Variants in DPP10 observed in about 807,000 individuals in gnomAD.
DPP10 encodes the protein dipeptidyl peptidase like 10.
DPP10 carries 33 observed loss-of-function variants against 120.9 expected under a neutral mutation model. The ratio of observed to expected loss-of-function variants is 0.27; its 90% CI spans 0.21 to 0.37. DPP10 has a LOEUF of 0.37. DPP10 is among the 10% of genes least tolerant of loss of function. The probability of loss-of-function intolerance (pLI) is 1.00; values close to 1 mark genes in which losing one functional copy is unlikely to be tolerated. For synonymous variants in DPP10, 337 were observed against 326.1 expected, an observed-to-expected ratio of 1.03 and a Z score of -0.36; for missense variants, 816 against 942.8, an observed-to-expected ratio of 0.87 and a Z score of 1.76.
At chr2:115,475,123 C>A (rs775729157) in intron 3 of DPP10, among the ~76,000 whole-genome samples, 1 of 152,142 alleles carries the variant, frequency 6.6e-6, no homozygotes, top group Admixed American at 6.6e-5. Context: ...AATGGGAAGG[C>A]CTTGAAGGCA....
intron 1 of DPP10, among the ~76,000 whole-genome samples, chr2:114,813,848 A>G (rs1685389894): frequency 6.6e-6 from 1 of 151,868 alleles, no homozygotes; most frequent in African/African-American, 2.4e-5. Context: ...TTGTAACACT[A>G]GTAAATATTT....
At chr2:115,686,629 G>A (rs551953892) in intron 5 of DPP10, among the ~76,000 whole-genome samples, 1 of 152,054 alleles carries the variant, frequency 6.6e-6, no homozygotes, top group East Asian at 1.9e-4. Context: ...GAGATGATGG[G>A]TACCAGATTG....
intron 1 of DPP10, among the ~76,000 whole-genome samples, chr2:115,048,815 TGAAA>T (rs1337577211): frequency 6.6e-6 from 1 of 152,118 alleles, no homozygotes; most frequent in Non-Finnish European, 1.5e-5. Context: ...CCTCCACTCT[TGAAA>T]GAAATATTTT....
intron 1 of DPP10, among the ~76,000 whole-genome samples, chr2:114,580,565 G>T (rs1289211102): frequency 6.6e-6 from 1 of 152,134 alleles, no homozygotes; most frequent in East Asian, 1.9e-4. Context: ...TCTTAGAGAG[G>T]AAATCTCTGG....
rs114333984 is a variant in DPP10 at position 114,673,717 on chromosome 2, A to G, written c.60+230879A>G. Among the ~76,000 whole-genome samples the G allele has an allele frequency of 7.1e-3, 1,086 of 152,208 alleles. 18 individuals carry two copies. Among genetic ancestry groups the G allele is most frequent in the African/African-American group, 0.024 (1,006 of 41,556 alleles). Reference sequence around the variant, plus strand: ...GTAATCTGCCTGTCTCGGCCTCCCAAAGTGCTGGAATTCATTACCTTTTTC... The same window carrying G: ...GTAATCTGCCTGTCTCGGCCTCCCAGAGTGCTGGAATTCATTACCTTTTTC... On this transcript the variant is annotated intron_variant, in intron 1 of 25. Coordinates refer to ENST00000410059, the MANE Select transcript of DPP10 (RefSeq NM_020868.6).
intron 1 of DPP10, among the ~76,000 whole-genome samples, chr2:114,890,293 G>T (rs763890508): frequency 6.6e-6 from 1 of 152,136 alleles, no homozygotes; most frequent in Non-Finnish European, 1.5e-5. Context: ...TACTGCTCAA[G>T]AAATAGGAGA....
At chr2:114,587,301 CAAAAA>C (rs11364968) in intron 1 of DPP10, among the ~76,000 whole-genome samples, 1 of 103,180 alleles carries the variant, frequency 9.7e-6, no homozygotes. Flanking sequence ...AACTCCATCT[CAAAAA>C]AAAAAAAAAA....
At position 114,627,110 on chromosome 2, in the gene DPP10, G is replaced by A. The variant is rs554866430; in HGVS notation, c.60+184272G>A. 1.2e-4 allele frequency among the ~76,000 whole-genome samples: 18 copies of A among 152,110 alleles called. No homozygotes were observed. The East Asian group carries it at 2.3e-3, about 20-fold the overall frequency. On this transcript the variant is annotated intron_variant, in intron 1 of 25. Coordinates refer to ENST00000410059, the MANE Select transcript of DPP10 (RefSeq NM_020868.6). Reference sequence around the variant, plus strand: ...CTTTGCTTTAGCTGTGGCAGCAGTCGCAAGTCGTATTTTTGATCATCTGGG... The same window carrying A: ...CTTTGCTTTAGCTGTGGCAGCAGTCACAAGTCGTATTTTTGATCATCTGGG...
chr2:114,992,856 T>G (rs935802721), intron 1 of DPP10, among the ~76,000 whole-genome samples: 1 of 152,214 alleles, frequency 6.6e-6, no homozygotes, highest in African/African-American at 2.4e-5. Context: ...GTGAATGACT[T>G]GTAGACAGTC....
intron 4 of DPP10, among the ~76,000 whole-genome samples, chr2:115,501,624 A>G (rs2076688447): frequency 6.6e-6 from 1 of 152,108 alleles, no homozygotes; most frequent in Admixed American, 6.6e-5. Flanking sequence ...TAAGCAATTT[A>G]TAAGTCCTAG....
intron 5 of DPP10, chr2:115,579,288 G>A (rs2081877068): frequency 6.6e-5 from 10 of 152,192 alleles, no homozygotes; most frequent in Admixed American, 6.5e-4. Flanking sequence ...GCACACAGAT[G>A]TGACAACTGC....
At chr2:115,786,467 G>A (rs1415334261) in intron 17 of DPP10, among the ~76,000 whole-genome samples, 1 of 151,800 alleles carries the variant, frequency 6.6e-6, no homozygotes, top group East Asian at 1.9e-4. Flanking sequence ...TCTGGCCATG[G>A]AGTAACTGGA....
At chr2:114,879,948 T>A (rs1290161122) in intron 1 of DPP10, among the ~76,000 whole-genome samples, 1 of 152,136 alleles carries the variant, frequency 6.6e-6, no homozygotes, top group Non-Finnish European at 1.5e-5. Context: ...CTAAGATGAT[T>A]GTACATAATG....
At chr2:115,622,775 A>C (rs1238629954) in intron 5 of DPP10, among the ~76,000 whole-genome samples, 1 of 146,574 alleles carries the variant, frequency 6.8e-6, no homozygotes, top group Non-Finnish European at 1.5e-5. Flanking sequence ...GGCACTTCTG[A>C]TTGTTTTTGT....
chr2:115,235,338 A>AT (rs1168302434), intron 1 of DPP10, among the ~76,000 whole-genome samples: 1 of 152,176 alleles, frequency 6.6e-6, no homozygotes. Context: ...TTTTTCAAGT[A>AT]TTTTCCATCT....
intron 1 of DPP10, among the ~76,000 whole-genome samples, chr2:114,606,624 A>G (rs1692827453): frequency 6.6e-6 from 1 of 152,184 alleles, no homozygotes; most frequent in Admixed American, 6.6e-5. Flanking sequence ...GACAAATGCA[A>G]TACCATCTGG....
chr2:114,471,255 T>A (rs1355891525), intron 1 of DPP10, among the ~76,000 whole-genome samples: 1 of 152,192 alleles, frequency 6.6e-6, no homozygotes, highest in Non-Finnish European at 1.5e-5. Context: ...GGTGAGCAAA[T>A]GCTAGAAAGA....
chr2:114,982,386 G>A, intron 1 of DPP10, among the ~76,000 whole-genome samples: 1 of 151,696 alleles, frequency 6.6e-6, no homozygotes, highest in East Asian at 1.9e-4. Flanking sequence ...ATTTTATAAT[G>A]ATCTATAAAG....
chr2:115,349,170 T>C (rs1442764752), intron 3 of DPP10, among the ~76,000 whole-genome samples: 1 of 152,170 alleles, frequency 6.6e-6, no homozygotes, highest in African/African-American at 2.4e-5. Context: ...CTTTGGGTTT[T>C]ATTTTGATCT....
Sources: allele counts gnomAD v4.1 joint callset (sites outside exome capture counted in the v4.1 genomes callset), GRCh38; gene constraint gnomAD v4.1.1; transcripts MANE v1.5; gene names NCBI Gene and HGNC (gene_info 2026-07-23, HGNC 2026-07-21).